PRKD2: variants seen among roughly 807,000 people sequenced by gnomAD.
PRKD2 encodes the protein serine/threonine-protein kinase D2.
A neutral mutation model predicts 86.0 loss-of-function variants in PRKD2; 22 were observed. The observed-to-expected ratio is 0.26, with a 90% CI of 0.18 to 0.37. The LOEUF (loss-of-function observed/expected upper bound fraction) is 0.37. Ranked by LOEUF, PRKD2 falls within the 10% of genes least tolerant of loss-of-function variation. The probability of loss-of-function intolerance (pLI) is 1.00; values close to 1 mark genes in which losing one functional copy is unlikely to be tolerated. For synonymous variants in PRKD2, 509 were observed against 510.9 expected (o/e 1.00, Z 0.05); for missense variants, 818 against 1,199.2 (o/e 0.68, Z 4.70).
At chr19:46,675,692 G>C (rs962136461) in intron 16 of PRKD2, among the ~76,000 whole-genome samples, 3 of 152,162 alleles carry the variant, frequency 2.0e-5, no homozygotes, top group African/African-American at 7.2e-5. Flanking sequence ...CAATCCGCCT[G>C]CCTTGGCCTC....
chr19:46,694,540 A>G (rs2053529610), intron 9 of PRKD2, among the ~76,000 whole-genome samples: 1 of 152,060 alleles, frequency 6.6e-6, no homozygotes, highest in Admixed American at 6.6e-5. Flanking sequence ...GGTTGTAATG[A>G]GCCAAGATCG....
At chr19:46,695,544 A>G (rs990202777) in intron 9 of PRKD2, among the ~76,000 whole-genome samples, 10 of 152,250 alleles carry the variant, frequency 6.6e-5, no homozygotes, top group Non-Finnish European at 1.5e-4. Flanking sequence ...GCGGGCCACA[A>G]GGAAGAGCCT....
intron 13 of PRKD2, 136 bp from the exon 14 acceptor site, chr19:46,689,834 G>GCCCC: frequency 5.0e-6 from 5 of 991,694 alleles, no homozygotes; most frequent in Non-Finnish European, 6.0e-6. Flanking sequence ...AGGGAAGGGG[G>GCCCC]CTTCCCACAG....
intron 14 of PRKD2, among the ~76,000 whole-genome samples, chr19:46,683,820 G>A (rs1412051318): frequency 6.6e-6 from 1 of 152,126 alleles, no homozygotes; most frequent in Admixed American, 6.6e-5. Flanking sequence ...TATGTTAGCT[G>A]TTACTGTTGT....
intron 16 of PRKD2, among the ~76,000 whole-genome samples, chr19:46,676,258 C>T (rs1385977622): frequency 6.6e-6 from 1 of 151,980 alleles, no homozygotes; most frequent in Non-Finnish European, 1.5e-5. Context: ...GAAACCCCGT[C>T]TCTACTAAAA....
chr19:46,684,536 G>A (rs2053365830), intron 14 of PRKD2, among the ~76,000 whole-genome samples: 1 of 152,094 alleles, frequency 6.6e-6, no homozygotes, highest in African/African-American at 2.4e-5. Flanking sequence ...TGGCCAGGCT[G>A]GTCTCAAAAC....
At position 46,692,202 on chromosome 19, in the gene PRKD2, G is replaced by A. The variant is rs58054886; in HGVS notation, c.1577-217C>T. 4.2e-3 allele frequency among the ~76,000 whole-genome samples: 635 copies of A among 152,222 alleles called. 6 individuals are homozygous for A. Among genetic ancestry groups the A allele is most frequent in the African/African-American group, 0.014 (583 of 41,516 alleles). ...AAGGACCTCCCTCATAGAGCCACCAGGAGGAGTAAATGAGATGTGCTGAGT... is the reference window on the plus strand; with the variant it reads ...AAGGACCTCCCTCATAGAGCCACCAAGAGGAGTAAATGAGATGTGCTGAGT... On this transcript the variant is annotated intron_variant, in intron 10 of 17. Coordinates refer to ENST00000291281, the MANE Select transcript of PRKD2 (RefSeq NM_016457.5).
rs74635806 is a variant in PRKD2 at position 46,679,416 on chromosome 19, T to A, written c.2071-753A>T. Among the ~76,000 whole-genome samples the A allele has an allele frequency of 8.5e-3, 1,292 of 152,230 alleles. 32 individuals are homozygous for A. The highest frequency in any genetic ancestry group is 0.058 in the East Asian group (298 of 5,166). On this transcript the variant is annotated intron_variant, in intron 15 of 17. Coordinates refer to ENST00000291281, the MANE Select transcript of PRKD2 (RefSeq NM_016457.5). ...GTGCTTGTTTAGACTGAAAGAGAAA[T>A]GTATGCAACGTGTTAGGAGCAGTGT... is the stretch of plus-strand genomic sequence containing the variant.
At chr19:46,692,718 C>G (rs942245472) in intron 10 of PRKD2, among the ~76,000 whole-genome samples, 3 of 152,130 alleles carry the variant, frequency 2.0e-5, no homozygotes, top group Admixed American at 1.3e-4. Context: ...ACTTCTACCC[C>G]CAACATGCTA....
intron 16 of PRKD2, among the ~76,000 whole-genome samples, chr19:46,676,474 C>T (rs2053205181): frequency 6.6e-6 from 1 of 152,184 alleles, no homozygotes; most frequent in African/African-American, 2.4e-5. Context: ...AGTTAGTCAC[C>T]ATTGCCTGCA....
rs539929573 is a variant in PRKD2 at position 46,705,004 on chromosome 19, C to T, written c.512-355G>A. Among the ~76,000 whole-genome samples the T allele has an allele frequency of 5.3e-5, 8 of 151,968 alleles. No individual in the cohort carries two copies. The South Asian group carries it at 1.0e-3, about 20-fold the overall frequency. ...GTAGCCCTGCCATCACCCCATCTGT[C>T]CCCCAGACCCTGAACACGCCTCACA... On this transcript the variant is annotated intron_variant, in intron 3 of 17. Transcript: ENST00000291281.
Position 46,690,724 on chromosome 19 carries a change from G to A in PRKD2, c.1703-18C>T, listed in dbSNP as rs1012794953. ...GTGTTTTCCTGCACAGGGAGTAGAA[G>A]AGATGGGGGATGAGAGAGCAAGACC... is the stretch of plus-strand genomic sequence containing the variant. On this transcript the variant is annotated intron_variant, in intron 12 of 17. Transcript: ENST00000291281. The A allele has an allele frequency of 3.7e-6, 6 of 1,609,502 alleles. No individual in the cohort carries two copies. In the African/African-American group the frequency reaches 5.3e-5, roughly 14 times the overall value.
At chr19:46,694,798 C>T (rs1028925044) in intron 9 of PRKD2, among the ~76,000 whole-genome samples, 1 of 151,926 alleles carries the variant, frequency 6.6e-6, no homozygotes, top group African/African-American at 2.4e-5. Context: ...ATTTGATGGC[C>T]GGATGTGGTG....
intron 16 of PRKD2, among the ~76,000 whole-genome samples, chr19:46,677,821 A>T (rs1054655144): frequency 3.9e-5 from 6 of 152,084 alleles, no homozygotes; most frequent in Middle Eastern, 3.2e-3. Flanking sequence ...CCTCTTCGGA[A>T]ACCCTCCACG....
rs2053624762 is a variant in PRKD2 at position 46,700,831 on chromosome 19, C to T, written c.1089G>A (p.Glu363=). 6.2e-7 allele frequency: 1 copy of T among 1,614,230 alleles called. No individual in the cohort carries two copies. Among genetic ancestry groups the T allele is most frequent in the South Asian group, 1.1e-5 (1 of 91,086 alleles). ...SHSENALHAS[E]EEEGEGGKAQ... is the part of the protein sequence containing the mutation. Reference sequence around the variant, plus strand: ...CCTTGCCTCCCTCGCCTTCCTCCTCCTCACTGGCGTGGAGCGCATTCTCTG... The same window carrying T: ...CCTTGCCTCCCTCGCCTTCCTCCTCTTCACTGGCGTGGAGCGCATTCTCTG... The change falls in exon 7 of 18, where the codon GAG becomes GAA. Residue 363 remains glutamate, a synonymous_variant. Transcript: ENST00000291281.
rs369311644 is a variant in PRKD2, at chr19:46,700,936, C to T, written c.984G>A (p.Glu328=). 1 of 1,614,120 alleles carries T rather than the reference C, an allele frequency of 6.2e-7. No individual in the cohort carries two copies. The highest frequency in any genetic ancestry group is 1.3e-5 in the African/African-American group (1 of 74,940). The change falls in exon 7 of 18, where the codon GAG becomes GAA. Residue 328 remains glutamate, a synonymous_variant. Transcript: ENST00000291281. ...TGTCAGCCTCGCTGAAATCGGTGGCCTCCTCCATCGGCACATCTGTGGGGA... is the reference window on the plus strand; with the variant it reads ...TGTCAGCCTCGCTGAAATCGGTGGCTTCCTCCATCGGCACATCTGTGGGGA... ...ALINGDVPME[E]ATDFSEADKS... is the part of the protein sequence containing the mutation.
chr19:46,681,116 G>A (rs979620826), intron 15 of PRKD2, among the ~76,000 whole-genome samples: 4 of 150,160 alleles, frequency 2.7e-5, no homozygotes, highest in Admixed American at 6.7e-5. Flanking sequence ...ACCACGCCCC[G>A]CTAATTTTTT....
At chr19:46,699,357 T>C (rs1255854600) in intron 7 of PRKD2, among the ~76,000 whole-genome samples, 1 of 152,214 alleles carries the variant, frequency 6.6e-6, no homozygotes, top group Non-Finnish European at 1.5e-5. Flanking sequence ...ATGCATTTAT[T>C]AGCTGTCTCC....
At chr19:46,708,335 T>A (rs12975247) in intron 3 of PRKD2, among the ~76,000 whole-genome samples, 8 of 106,554 alleles carry the variant, frequency 7.5e-5, no homozygotes, top group South Asian at 3.1e-4. Flanking sequence ...TTTTTTTTTT[T>A]CTGAGACAAT....
Sources: gnomAD v4.1 joint callset for allele counts (sites outside exome capture counted in the v4.1 genomes callset) on GRCh38, gnomAD v4.1.1 for gene constraint, MANE v1.5 for transcripts, NCBI Gene and HGNC (gene_info 2026-07-23, HGNC 2026-07-21) for gene names.